CACNA1C: variants seen among roughly 807,000 people sequenced by gnomAD.
CACNA1C encodes the protein calcium voltage-gated channel subunit alpha1 C.
A neutral mutation model predicts 229.0 loss-of-function variants in CACNA1C; 30 were observed. The observed-to-expected ratio is 0.13, with a 90% CI of 0.10 to 0.18. CACNA1C has a LOEUF of 0.18. Ranked by LOEUF, CACNA1C falls within the 10% of genes least tolerant of loss-of-function variation. The pLI is 1.00. For missense variants in CACNA1C, 1,658 were observed against 2,845.0 expected, an observed-to-expected ratio of 0.58 and a Z score of 9.49; for synonymous variants, 1,114 against 1,132.5, an observed-to-expected ratio of 0.98 and a Z score of 0.33.
At chr12:2,035,316 G>A (rs552076340) in intron 1 of CACNA1C, among the ~76,000 whole-genome samples, 1 of 152,338 alleles carries the variant, frequency 6.6e-6, no homozygotes, top group African/African-American at 2.4e-5. Flanking sequence ...TCCTCTTACC[G>A]GATGATGTGC....
At chr12:2,477,555 G>A (rs1045591199) in intron 5 of CACNA1C, among the ~76,000 whole-genome samples, 4 of 152,142 alleles carry the variant, frequency 2.6e-5, no homozygotes, top group Admixed American at 1.3e-4. Context: ...TCGACCAGAT[G>A]GCCTCCATCA....
chr12:2,268,175 A>C (rs1443460412), intron 3 of CACNA1C, among the ~76,000 whole-genome samples: 1 of 152,114 alleles, frequency 6.6e-6, no homozygotes, highest in Non-Finnish European at 1.5e-5. Flanking sequence ...GTGGTTTCTG[A>C]AAGAGGGAAA....
At chr12:2,502,727 T>C (rs575496724) in intron 7 of CACNA1C, among the ~76,000 whole-genome samples, 84 of 152,360 alleles carry the variant, frequency 5.5e-4, no homozygotes, top group African/African-American at 2.0e-3. Context: ...CAGTCTTTTA[T>C]TCCCGGCATG....
At chr12:2,494,573 C>A (rs1415100675) in intron 7 of CACNA1C, among the ~76,000 whole-genome samples, 1 of 152,198 alleles carries the variant, frequency 6.6e-6, no homozygotes, top group Non-Finnish European at 1.5e-5. Context: ...CAAACCAAAG[C>A]AGGGAAGAGT....
chr12:2,430,356 T>A (rs1174443402), intron 3 of CACNA1C, among the ~76,000 whole-genome samples: 1 of 152,196 alleles, frequency 6.6e-6, no homozygotes, highest in Non-Finnish European at 1.5e-5. Flanking sequence ...GGACAGGTGT[T>A]CTTATTTCTA....
intron 3 of CACNA1C, among the ~76,000 whole-genome samples, chr12:2,435,362 C>T (rs2099124362): frequency 6.6e-6 from 1 of 152,234 alleles, no homozygotes; most frequent in Non-Finnish European, 1.5e-5. Context: ...GGCATGTGTC[C>T]TTCCTGCCCA....
chr12:2,167,932 G>A (rs1055442989), intron 3 of CACNA1C, among the ~76,000 whole-genome samples: 7 of 152,146 alleles, frequency 4.6e-5, no homozygotes, highest in African/African-American at 1.7e-4. Context: ...ATGCAAATAG[G>A]TATTTTTAAT....
At chr12:2,473,103 A>G (rs1474804679) in intron 5 of CACNA1C, among the ~76,000 whole-genome samples, 1 of 152,186 alleles carries the variant, frequency 6.6e-6, no homozygotes, top group Non-Finnish European at 1.5e-5. Flanking sequence ...CCACAATTTC[A>G]GGGCCGTAAG....
chr12:2,426,168 A>G (rs530406367), intron 3 of CACNA1C, among the ~76,000 whole-genome samples: 2 of 152,312 alleles, frequency 1.3e-5, no homozygotes, highest in East Asian at 3.9e-4. Context: ...TTATCAATCA[A>G]TGAGCAGTAC....
chr12:2,637,372 C>A (rs1309889518), intron 30 of CACNA1C, among the ~76,000 whole-genome samples: 1 of 152,226 alleles, frequency 6.6e-6, no homozygotes, highest in African/African-American at 2.4e-5. Context: ...AGGGCCTAGT[C>A]TCCAACCAAG....
chr12:2,061,737 G>A (rs73046458), intron 1 of CACNA1C, among the ~76,000 whole-genome samples: 6,087 of 152,314 alleles, frequency 0.04, 174 homozygotes, highest in Non-Finnish European at 0.062. Context: ...GCCATTGAGG[G>A]CAGGAAGAAC....
At chr12:2,491,451 G>A (rs1469608818) in intron 6 of CACNA1C, among the ~76,000 whole-genome samples, 3 of 151,518 alleles carry the variant, frequency 2.0e-5, no homozygotes, top group Non-Finnish European at 4.4e-5. Context: ...AGGAGGAAAA[G>A]GAGGAGGAGG....
intron 3 of CACNA1C, among the ~76,000 whole-genome samples, chr12:2,184,377 A>G (rs2096934579): frequency 6.6e-6 from 1 of 152,228 alleles, no homozygotes; most frequent in South Asian, 2.1e-4. Flanking sequence ...CTACAGGGAC[A>G]GAGGTTCACA....
chr12:2,209,358 G>A (rs939874830), intron 3 of CACNA1C, among the ~76,000 whole-genome samples: 4 of 152,160 alleles, frequency 2.6e-5, no homozygotes, highest in African/African-American at 4.8e-5. Flanking sequence ...TATGTTCGAC[G>A]GTTGTAATAG....
At chr12:2,540,712 G>A (rs1568313088) in intron 9 of CACNA1C, among the ~76,000 whole-genome samples, 1 of 152,168 alleles carries the variant, frequency 6.6e-6, no homozygotes, top group Non-Finnish European at 1.5e-5. Context: ...CATGACGTAG[G>A]GCCCCATGCA....
At chr12:2,071,360 G>C (rs1247797925) in intron 1 of CACNA1C, among the ~76,000 whole-genome samples, 1 of 151,434 alleles carries the variant, frequency 6.6e-6, no homozygotes, top group Non-Finnish European at 1.5e-5. Flanking sequence ...TGGGACTGGA[G>C]ATGTGCGGCA....
chr12:2,232,230 T>G (rs980251714), intron 3 of CACNA1C, among the ~76,000 whole-genome samples: 13 of 118,146 alleles, frequency 1.1e-4, no homozygotes, highest in Admixed American at 7.8e-5. Context: ...TTTCCTTGTT[T>G]TTTTTTTTTT....
chr12:2,378,633 T>C (rs2098140997), intron 3 of CACNA1C, among the ~76,000 whole-genome samples: 1 of 152,254 alleles, frequency 6.6e-6, no homozygotes. Flanking sequence ...TGTATTGTCA[T>C]CATGGCCTGG....
intron 3 of CACNA1C, among the ~76,000 whole-genome samples, chr12:2,291,611 C>G (rs2154457019): frequency 6.6e-6 from 1 of 152,308 alleles, no homozygotes; most frequent in Admixed American, 6.5e-5. Context: ...AAGTACCCTG[C>G]AGTGGAGGGC....
Sources: gnomAD v4.1 joint callset for allele counts (sites outside exome capture counted in the v4.1 genomes callset) on GRCh38, gnomAD v4.1.1 for gene constraint, MANE v1.5 for transcripts, NCBI Gene and HGNC (gene_info 2026-07-23, HGNC 2026-07-21) for gene names.